Variants in SPATS2 observed in about 807,000 individuals in gnomAD.
SPATS2 encodes spermatogenesis-associated serine-rich protein 2.
SPATS2 carries 38 observed loss-of-function variants against 63.7 expected under a neutral mutation model. The observed-to-expected ratio is 0.60, with a 90% confidence interval of 0.46 to 0.78. The LOEUF (loss-of-function observed/expected upper bound fraction) is 0.78, where lower values mean the gene tolerates loss of function less well. Ranked by LOEUF, SPATS2 falls within the 30% of genes least tolerant of loss-of-function variation. The pLI is 0.00. For synonymous variants in SPATS2, 207 were observed against 232.9 expected, an observed-to-expected ratio of 0.89 and a Z score of 1.01; for missense variants, 588 against 666.2, an observed-to-expected ratio of 0.88 and a Z score of 1.29.
At chr12:49,482,931 G>A (rs1333076824) in intron 3 of SPATS2, among the ~76,000 whole-genome samples, 2 of 151,684 alleles carry the variant, frequency 1.3e-5, no homozygotes, top group Non-Finnish European at 2.9e-5. Flanking sequence ...TGGGGCTACA[G>A]GCAAGTGCCA....
rs747381335 is a variant in SPATS2 at position 49,514,664 on chromosome 12, A to G, written c.898+51A>G. 2.6e-6 allele frequency: 4 copies of G among 1,547,448 alleles called. No homozygotes were observed. In the Admixed American group the frequency reaches 5.2e-5, roughly 20 times the overall value. On this transcript the variant is annotated intron_variant, in intron 10 of 13. Transcript: ENST00000552918. ...GCTATTACCTTCATAAATAGTAGGT[A>G]CCTACTTCCCAACCCTTATAACAAA...
intron 2 of SPATS2, among the ~76,000 whole-genome samples, chr12:49,415,938 C>G (rs1944881235): frequency 1.3e-5 from 2 of 151,996 alleles, no homozygotes; most frequent in African/African-American, 4.8e-5. Context: ...ACATTTTTCT[C>G]AAGACCCTGC....
chr12:49,380,631 G>A (rs564743104), intron 2 of SPATS2, among the ~76,000 whole-genome samples: 73 of 151,962 alleles, frequency 4.8e-4, no homozygotes, highest in African/African-American at 1.4e-3. Flanking sequence ...ACTTGAACTC[G>A]GGAGGCAGAG....
chr12:49,526,045 C>A lies in SPATS2; in HGVS notation c.1428C>A (p.Tyr476Ter). Residue 476 changes from tyrosine (Y) to a stop codon, truncating the protein, a stop_gained, in exon 14 of 14, where the codon TAC becomes TAA. Coordinates refer to ENST00000552918, the MANE Select transcript of SPATS2 (RefSeq NM_023071.4). LOFTEE classifies it high-confidence loss of function. ...GGCGGCATGACAGTATGGGTCGTTA[C>A]AGAAACAGCTCGTGGTATTCATCTG... Reference protein sequence around the residue: ...NQGRHDSMGRYRNSSWYSSGS... With the variant: ...NQGRHDSMGR The A allele has an allele frequency of 6.2e-7, 1 of 1,614,226 alleles. No individual in the cohort carries two copies. Among genetic ancestry groups the A allele is most frequent in the Middle Eastern group, 1.6e-4 (1 of 6,062 alleles).
At chr12:49,494,547 A>G (rs1281174928) in intron 6 of SPATS2, among the ~76,000 whole-genome samples, 194 bp from the exon 7 acceptor site, 4 of 152,172 alleles carry the variant, frequency 2.6e-5, no homozygotes, top group Non-Finnish European at 5.9e-5. Context: ...GAGTTTATCT[A>G]AAGTATAGGA....
intron 2 of SPATS2, among the ~76,000 whole-genome samples, chr12:49,423,535 C>G (rs753678957): frequency 6.6e-6 from 1 of 152,210 alleles, no homozygotes; most frequent in Non-Finnish European, 1.5e-5. Context: ...AGCCTCCTTG[C>G]ATTCTGATAT....
chr12:49,423,410 G>A (rs192640657), intron 2 of SPATS2, among the ~76,000 whole-genome samples: 4 of 152,274 alleles, frequency 2.6e-5, no homozygotes, highest in African/African-American at 9.6e-5. Context: ...AGGATTACGG[G>A]CGTGAGCCAC....
chr12:49,410,368 G>A (rs150343084), intron 2 of SPATS2, among the ~76,000 whole-genome samples: 407 of 152,206 alleles, frequency 2.7e-3, no homozygotes, highest in African/African-American at 8.9e-3. Context: ...GAGCCACCGT[G>A]CCCAGCCTGT....
intron 3 of SPATS2, chr12:49,462,385 C>G (rs556347796): frequency 1.4e-6 from 1 of 702,416 alleles, no homozygotes; most frequent in Non-Finnish European, 2.6e-6. Flanking sequence ...GTGGCAGCAT[C>G]CAGGCTGTGG....
At chr12:49,388,541 T>C (rs1944361098) in intron 2 of SPATS2, among the ~76,000 whole-genome samples, 1 of 151,594 alleles carries the variant, frequency 6.6e-6, no homozygotes, top group Non-Finnish European at 1.5e-5. Flanking sequence ...GCTGGACTAA[T>C]TTTTTTTATT....
intron 2 of SPATS2, among the ~76,000 whole-genome samples, chr12:49,392,223 A>G (rs1592353242): frequency 6.7e-6 from 1 of 150,222 alleles, no homozygotes; most frequent in Non-Finnish European, 1.5e-5. Flanking sequence ...ATTTAGTGAC[A>G]CTTTTCCATC....
At chr12:49,504,843 A>G (rs1946630705) in intron 9 of SPATS2, among the ~76,000 whole-genome samples, 1 of 137,450 alleles carries the variant, frequency 7.3e-6, no homozygotes, top group South Asian at 2.2e-4. Context: ...ATCGTGTCTC[A>G]CTACAGCCTC....
At chr12:49,430,103 T>G (rs1386901915) in intron 2 of SPATS2, among the ~76,000 whole-genome samples, 2 of 144,492 alleles carry the variant, frequency 1.4e-5, no homozygotes, top group Non-Finnish European at 3.0e-5. Context: ...TTTCTTGTTT[T>G]TTTTTTTTTT....
intron 2 of SPATS2, among the ~76,000 whole-genome samples, chr12:49,459,740 T>TTCC (rs1945785887): frequency 1.5e-4 from 5 of 32,646 alleles, no homozygotes; most frequent in African/African-American, 6.6e-4. Flanking sequence ...TCATTTCACG[T>TTCC]CCCCCCCCCC....
chr12:49,441,258 C>G (rs1489730029), intron 2 of SPATS2, among the ~76,000 whole-genome samples: 1 of 152,144 alleles, frequency 6.6e-6, no homozygotes, highest in Non-Finnish European at 1.5e-5. Context: ...AGTAATAGTA[C>G]CTCTTTCCTA....
At chr12:49,388,677 T>G (rs950564564) in intron 2 of SPATS2, among the ~76,000 whole-genome samples, 64 of 150,870 alleles carry the variant, frequency 4.2e-4, no homozygotes, top group African/African-American at 1.5e-3. Flanking sequence ...TGCCTAGCCT[T>G]GAACCACATT....
intron 2 of SPATS2, among the ~76,000 whole-genome samples, chr12:49,421,534 A>G (rs935842518): frequency 1.3e-5 from 2 of 152,110 alleles, no homozygotes; most frequent in Admixed American, 6.6e-5. Flanking sequence ...GAATCAGATA[A>G]CTAGGAAGGG....
At chr12:49,513,853 A>G (rs1946793307) in intron 9 of SPATS2, among the ~76,000 whole-genome samples, 1 of 152,168 alleles carries the variant, frequency 6.6e-6, no homozygotes, top group Non-Finnish European at 1.5e-5. Flanking sequence ...ACCAAAATAT[A>G]AATATAAAAA....
chr12:49,492,487 G>T (rs1252446132), intron 6 of SPATS2, among the ~76,000 whole-genome samples: 2 of 152,080 alleles, frequency 1.3e-5, no homozygotes, highest in Non-Finnish European at 2.9e-5. Context: ...CTCCCAAAGT[G>T]CTGGAATTAC....
Sources: allele counts gnomAD v4.1 joint callset (sites outside exome capture counted in the v4.1 genomes callset), GRCh38; gene constraint gnomAD v4.1.1; transcripts MANE v1.5; gene names NCBI Gene and HGNC (gene_info 2026-07-23, HGNC 2026-07-21).